CSGALNACT1: variants seen among roughly 807,000 people sequenced by gnomAD.
CSGALNACT1 encodes beta4GalNAcT-1.
A neutral mutation model predicts 51.0 loss-of-function variants in CSGALNACT1; 52 were observed. The observed-to-expected ratio is 1.02, with a 90% CI of 0.82 to 1.29. CSGALNACT1 has a LOEUF of 1.29. Ranked by LOEUF, CSGALNACT1 falls within the 50% of genes most tolerant of loss-of-function variation. The pLI, the probability that CSGALNACT1 is intolerant of heterozygous loss-of-function variation, is 0.00. For missense variants in CSGALNACT1, 935 were observed against 679.2 expected, an observed-to-expected ratio of 1.38 and a Z score of -4.19; for synonymous variants, 341 against 254.4, an observed-to-expected ratio of 1.34 and a Z score of -3.24.
At chr8:19,496,671 G>A (rs568758059) in intron 4 of CSGALNACT1, among the ~76,000 whole-genome samples, 1 of 152,318 alleles carries the variant, frequency 6.6e-6, no homozygotes, top group South Asian at 2.1e-4. Flanking sequence ...AGCTGGCTCA[G>A]AATCTGAGGA....
Position 19,478,238 on chromosome 8 carries a change from C to G in CSGALNACT1, c.635-19596G>C, listed in dbSNP as rs182234210. 1.6e-3 allele frequency among the ~76,000 whole-genome samples: 245 copies of G among 152,048 alleles called. 1 individual carries two copies. Among genetic ancestry groups the G allele is most frequent in the African/African-American group, 5.7e-3 (236 of 41,460 alleles). The stretch of plus-strand genomic sequence containing the variant: ...GACCATCCTGGCTAACATGGTGAAA[C>G]CCCGTCTCTACTAAAAATACAAAAA... On this transcript the variant is annotated intron_variant, in intron 4 of 9. Coordinates refer to ENST00000454498, the Ensembl canonical transcript of CSGALNACT1.
chr8:19,742,413 C>T (rs748908640), intron 1 of CSGALNACT1, among the ~76,000 whole-genome samples: 6 of 152,212 alleles, frequency 3.9e-5, no homozygotes, highest in Non-Finnish European at 8.8e-5. Context: ...TGGGGCCTCT[C>T]TTGGCTAGGT....
intron 2 of CSGALNACT1, among the ~76,000 whole-genome samples, chr8:19,601,524 TA>T (rs1228291561): frequency 6.6e-6 from 1 of 152,172 alleles, no homozygotes; most frequent in East Asian, 1.9e-4. Context: ...GATAAATCCT[TA>T]AAAAGTTGGG....
intron 3 of CSGALNACT1, among the ~76,000 whole-genome samples, chr8:19,512,497 G>C (rs574209553): frequency 2.2e-4 from 34 of 152,264 alleles, no homozygotes; most frequent in African/African-American, 7.2e-4. Context: ...CTAATTCACA[G>C]GGTCACAGAC....
At chr8:19,673,169 A>T (rs911618823) in intron 1 of CSGALNACT1, among the ~76,000 whole-genome samples, 6 of 152,236 alleles carry the variant, frequency 3.9e-5, no homozygotes, top group African/African-American at 1.4e-4. Context: ...CCACACAGCC[A>T]TTCATCCACT....
intron 6 of CSGALNACT1, among the ~76,000 whole-genome samples, chr8:19,438,978 T>TA (rs1223656211): frequency 1.3e-5 from 2 of 152,210 alleles, no homozygotes; most frequent in African/African-American, 4.8e-5. Flanking sequence ...GATATGGATC[T>TA]ACTCAGACTA....
At chr8:19,489,274 G>C (rs542657169) in intron 4 of CSGALNACT1, among the ~76,000 whole-genome samples, 1 of 152,256 alleles carries the variant, frequency 6.6e-6, no homozygotes, top group East Asian at 1.9e-4. Flanking sequence ...AGATAGGGAA[G>C]AATGAAATAG....
chr8:19,435,661 T>A (rs1351174121), intron 6 of CSGALNACT1, among the ~76,000 whole-genome samples: 2 of 152,082 alleles, frequency 1.3e-5, no homozygotes, highest in African/African-American at 4.8e-5. Flanking sequence ...TGGGCCTGGG[T>A]CCCAGGAGTC....
chr8:19,422,617 T>A (rs1473353081), intron 6 of CSGALNACT1, among the ~76,000 whole-genome samples: 1 of 152,256 alleles, frequency 6.6e-6, no homozygotes, highest in East Asian at 1.9e-4. Flanking sequence ...TTTCTGTGTG[T>A]TGCATTGAAG....
intron 3 of CSGALNACT1, among the ~76,000 whole-genome samples, chr8:19,576,129 G>A (rs961163572): frequency 6.6e-6 from 1 of 152,108 alleles, no homozygotes; most frequent in Non-Finnish European, 1.5e-5. Context: ...AGAGCCCAGA[G>A]AGGCTGGAGA....
intron 6 of CSGALNACT1, among the ~76,000 whole-genome samples, chr8:19,430,144 C>T (rs1365290817): frequency 2.6e-5 from 4 of 152,102 alleles, no homozygotes; most frequent in Non-Finnish European, 4.4e-5. Flanking sequence ...AATATTTTAT[C>T]CCATTATATA....
intron 4 of CSGALNACT1, among the ~76,000 whole-genome samples, chr8:19,461,498 C>A (rs1477390561): frequency 6.6e-6 from 1 of 152,168 alleles, no homozygotes; most frequent in Non-Finnish European, 1.5e-5. Context: ...ATCCGCACAG[C>A]AGCCACATTC....
At chr8:19,744,761 C>A (rs951492114) in intron 1 of CSGALNACT1, among the ~76,000 whole-genome samples, 1 of 152,168 alleles carries the variant, frequency 6.6e-6, no homozygotes, top group African/African-American at 2.4e-5. Flanking sequence ...TGTCTATTCA[C>A]GAACACAGTT....
At chr8:19,419,601 T>C (rs1585562974) in intron 7 of CSGALNACT1, among the ~76,000 whole-genome samples, 1 of 152,360 alleles carries the variant, frequency 6.6e-6, no homozygotes, top group South Asian at 2.1e-4. Context: ...TTTGTGCGAA[T>C]AGCTCTTCTA....
chr8:19,671,807 G>A (rs2059814560), intron 1 of CSGALNACT1, among the ~76,000 whole-genome samples: 1 of 152,108 alleles, frequency 6.6e-6, no homozygotes, highest in Non-Finnish European at 1.5e-5. Context: ...ACCAAATTGA[G>A]ATCCTACTGT....
At chr8:19,579,505 C>A (rs1229067812) in intron 3 of CSGALNACT1, among the ~76,000 whole-genome samples, 2 of 152,094 alleles carry the variant, frequency 1.3e-5, no homozygotes, top group East Asian at 1.9e-4. Flanking sequence ...TTTACTTTTC[C>A]TTTGTAGCTC....
upstream of CSGALNACT1, among the ~76,000 whole-genome samples, chr8:19,606,745 G>C (rs2051428366): frequency 6.6e-6 from 1 of 152,096 alleles, no homozygotes; most frequent in Non-Finnish European, 1.5e-5. Flanking sequence ...TCAATAAATA[G>C]AGATAATCTC....
intron 5 of CSGALNACT1, among the ~76,000 whole-genome samples, chr8:19,456,859 GGAAA>G (rs368129907): frequency 2.3e-4 from 35 of 152,282 alleles, no homozygotes; most frequent in African/African-American, 8.4e-4. Flanking sequence ...GCTATACCTT[GGAAA>G]GAAAAGACTA....
chr8:19,656,596 C>A (rs2058298462), intron 1 of CSGALNACT1, among the ~76,000 whole-genome samples: 1 of 105,506 alleles, frequency 9.5e-6, no homozygotes, highest in Non-Finnish European at 2.1e-5. Context: ...ACTACGCCCC[C>A]CCCCCACACA....
Sources: gnomAD v4.1 joint callset for allele counts (sites outside exome capture counted in the v4.1 genomes callset) on GRCh38, gnomAD v4.1.1 for gene constraint, MANE v1.5 for transcripts, NCBI Gene and HGNC (gene_info 2026-07-23, HGNC 2026-07-21) for gene names.